Variants in CORIN observed in about 807,000 individuals in gnomAD.
CORIN encodes the protein atrial natriuretic peptide-converting enzyme.
In CORIN, 117 loss-of-function variants were observed where a neutral mutation model predicts 125.3. That is an observed-to-expected ratio of 0.93 (90% CI 0.80 to 1.09). The LOEUF is 1.09. CORIN is among the 50% of genes least tolerant of loss of function. The pLI, the probability that CORIN is intolerant of heterozygous loss-of-function variation, is 0.00. For missense variants in CORIN, 1,253 were observed against 1,306.7 expected (o/e 0.96, Z 0.63); for synonymous variants, 450 against 466.4 (o/e 0.96, Z 0.45).
intron 2 of CORIN, among the ~76,000 whole-genome samples, chr4:47,804,736 A>T (rs867076954): frequency 5.7e-5 from 1 of 17,604 alleles, no homozygotes; most frequent in Admixed American, 7.8e-4. Context: ...GGGGGTGGGG[A>T]GGGGGGGGGT....
At chr4:47,623,096 C>CTCTCTCTCTCTCTCTATATATATATA (rs771867590) in intron 19 of CORIN, among the ~76,000 whole-genome samples, 1 of 102,306 alleles carries the variant, frequency 9.8e-6, no homozygotes, top group Non-Finnish European at 1.8e-5. Context: ...CTCTCTCTCT[C>CTCTCTCTCTCTCTCTATATATATATA]TATATATATA....
chr4:47,649,624 C>T (rs73142015), intron 13 of CORIN, among the ~76,000 whole-genome samples: 29 of 152,338 alleles, frequency 1.9e-4, no homozygotes, highest in African/African-American at 6.5e-4. Context: ...ACTGGCCAAA[C>T]GTCACACAGC....
At position 47,665,068 on chromosome 4, in the gene CORIN, C is replaced by A. The variant is rs779393074; in HGVS notation, c.1553G>T (p.Cys518Phe). 1 of 1,613,260 alleles carries A rather than the reference C, an allele frequency of 6.2e-7. No individual in the cohort carries two copies. Among genetic ancestry groups the A allele is most frequent in the Admixed American group, 1.7e-5 (1 of 59,992 alleles). ...FFSCTILVPKCDVNTGEHIPP... is the reference protein window; with the variant it reads ...FFSCTILVPKFDVNTGEHIPP... Reference sequence around the variant, plus strand: ...GATATGCTCGCCTGTATTCACATCACATTTTGGTACCAAAATGGTGCAAGA... The same window carrying A: ...GATATGCTCGCCTGTATTCACATCAAATTTTGGTACCAAAATGGTGCAAGA... Residue 518 changes from cysteine (C) to phenylalanine (F), a missense_variant, in exon 11 of 22, where the codon TGT (cysteine) becomes TTT (phenylalanine). By Grantham distance (205) the Cys-to-Phe change is radical. Coordinates refer to ENST00000273857, the MANE Select transcript of CORIN (RefSeq NM_006587.4).
chr4:47,676,040 CAA>C (rs1725003878), intron 9 of CORIN, among the ~76,000 whole-genome samples: 1 of 152,130 alleles, frequency 6.6e-6, no homozygotes, highest in African/African-American at 2.4e-5. Context: ...ACTGGAGCTT[CAA>C]CCACTGAGAA....
rs1723399682 is a variant in CORIN, at chr4:47,644,934, T to C, written c.1957+147A>G. On this transcript the variant is annotated intron_variant, in intron 14 of 21. Coordinates refer to ENST00000273857, the MANE Select transcript of CORIN (RefSeq NM_006587.4). ...TATTTAGTTGGCTTCTTAGAATATGTCTTTACAAGTGGAGTTTGATCAAAA... is the reference window on the plus strand; with the variant it reads ...TATTTAGTTGGCTTCTTAGAATATGCCTTTACAAGTGGAGTTTGATCAAAA... 5.8e-6 allele frequency: 3 copies of C among 521,432 alleles called. No homozygotes were observed. The South Asian group carries it at 9.1e-5, about 16-fold the overall frequency. The allele number at this position is 521,432 out of a possible 1,614,324, so 32.3% of individuals were successfully genotyped here.
At chr4:47,837,550 A>AG in intron 1 of CORIN, 1 of 433,020 alleles carries the variant, frequency 2.3e-6, no homozygotes, top group Non-Finnish European at 4.2e-6. Context: ...CGTGCGGAGG[A>AG]GGGACTCTGC....
rs77244079 is a variant in CORIN at position 47,596,978 on chromosome 4, C to T, written c.2947-1075G>A. Among the ~76,000 whole-genome samples the T allele has an allele frequency of 8.1e-3, 1,236 of 152,240 alleles. 18 individuals are homozygous for T. The highest frequency in any genetic ancestry group is 0.028 in the African/African-American group (1,156 of 41,550). ...GGCAGAGGCTAGATTTGAATCCAGG[C>T]AGTCTGGTAACAGGATTCCAACTCT... On this transcript the variant is annotated intron_variant, in intron 21 of 21. Coordinates refer to ENST00000273857, the MANE Select transcript of CORIN (RefSeq NM_006587.4).
chr4:47,674,212 A>G (rs1380199395), intron 10 of CORIN, among the ~76,000 whole-genome samples, 181 bp downstream of exon 10: 1 of 152,234 alleles, frequency 6.6e-6, no homozygotes, highest in African/African-American at 2.4e-5. Flanking sequence ...TTCTGATTGA[A>G]GTTAATTAAG....
chr4:47,779,699 G>A (rs1357947122), intron 3 of CORIN, among the ~76,000 whole-genome samples: 1 of 152,106 alleles, frequency 6.6e-6, no homozygotes, highest in African/African-American at 2.4e-5. Flanking sequence ...GCCTCCCAAA[G>A]TGCTAGGATT....
chr4:47,827,817 C>A (rs906065585), intron 1 of CORIN, among the ~76,000 whole-genome samples: 2 of 152,304 alleles, frequency 1.3e-5, no homozygotes, highest in South Asian at 2.1e-4. Flanking sequence ...GCACACCTGG[C>A]ACCCAGCTTG....
chr4:47,763,260 T>G, intron 4 of CORIN, 119 bp downstream of exon 4: 1 of 704,688 alleles, frequency 1.4e-6, no homozygotes, highest in East Asian at 2.7e-5. Context: ...GAACTAGCCA[T>G]GACTAATGTG....
intron 5 of CORIN, among the ~76,000 whole-genome samples, chr4:47,716,627 C>T (rs971117501): frequency 5.9e-5 from 9 of 152,066 alleles, no homozygotes; most frequent in South Asian, 2.1e-4. Flanking sequence ...TTAAAGCACA[C>T]AGAATAATGT....
At chr4:47,790,339 A>G (rs1402423778) in intron 2 of CORIN, 1 of 230,986 alleles carries the variant, frequency 4.3e-6, no homozygotes, top group Non-Finnish European at 7.1e-6. Flanking sequence ...GGAGGTTCAC[A>G]CCGTTTGCAG....
chr4:47,791,598 G>T (rs114429649), intron 2 of CORIN, among the ~76,000 whole-genome samples: 1,856 of 152,294 alleles, frequency 0.012, 14 homozygotes, highest in Non-Finnish European at 0.02. Flanking sequence ...TAGAGAGATG[G>T]AAACTGAAGT....
rs1243976426 is a variant in CORIN, at chr4:47,661,748, G to A, written c.1698C>T (p.Asp566=). 5.6e-6 allele frequency: 9 copies of A among 1,613,266 alleles called. No individual in the cohort carries two copies. The highest frequency in any genetic ancestry group is 6.8e-6 in the Non-Finnish European group (8 of 1,179,596). Residue 566 remains aspartate, a synonymous_variant, in exon 12 of 22, where the codon GAC becomes GAT. Transcript: ENST00000273857. ...DCSQFPEENS[D]NQTCLMPDEY... ...CATCAGGCATCAGGCAGGTTTGATT[G>A]TCTGAATTTTCCTCTGGAAATTGAC...
chr4:47,697,171 G>A (rs548323231), intron 5 of CORIN, among the ~76,000 whole-genome samples: 2 of 152,220 alleles, frequency 1.3e-5, no homozygotes, highest in South Asian at 2.1e-4. Flanking sequence ...ATCTTTCAGC[G>A]GCTGATACAA....
chr4:47,643,284 G>C (rs995547510), intron 14 of CORIN, 28 bp from the exon 15 acceptor site: 2 of 1,568,018 alleles, frequency 1.3e-6, no homozygotes, highest in African/African-American at 2.7e-5. Context: ...AAGTGAGAAG[G>C]AAAACATTTT....
rs576043757 is a variant in CORIN, at chr4:47,643,166, C to T, written c.2048G>A (p.Ser683Asn). ...WCDGEADCSD[S>N]SDEWDCVTLS... ...CTCACCACAGTCCCATTCATCTGAACTGTCTGAGCAGTCGGCTTCACCATC... is the reference window on the plus strand; with the variant it reads ...CTCACCACAGTCCCATTCATCTGAATTGTCTGAGCAGTCGGCTTCACCATC... The change falls in exon 15 of 22, where the codon AGT becomes AAT. Residue 683 changes from serine to asparagine, a missense_variant. By Grantham distance (46) the Ser-to-Asn change is conservative (BLOSUM62 1). Coordinates refer to ENST00000273857, the MANE Select transcript of CORIN (RefSeq NM_006587.4). 1 of 1,614,124 alleles carries T rather than the reference C, an allele frequency of 6.2e-7. No homozygotes were observed. Among genetic ancestry groups the T allele is most frequent in the South Asian group, 1.1e-5 (1 of 91,086 alleles).
At chr4:47,708,567 G>C (rs923005308) in intron 5 of CORIN, among the ~76,000 whole-genome samples, 1 of 152,010 alleles carries the variant, frequency 6.6e-6, no homozygotes, top group African/African-American at 2.4e-5. Flanking sequence ...TCTTTGGGGG[G>C]GTCATTATTC....
Sources: gnomAD v4.1 joint callset for allele counts (sites outside exome capture counted in the v4.1 genomes callset) on GRCh38, gnomAD v4.1.1 for gene constraint, MANE v1.5 for transcripts, NCBI Gene and HGNC (gene_info 2026-07-23, HGNC 2026-07-21) for gene names.